EBF2: variants seen among roughly 807,000 people sequenced by gnomAD.
EBF2 encodes EBF transcription factor 2, also known as transcription factor COE2.
In EBF2, 21 loss-of-function variants were observed where a neutral mutation model predicts 72.8. The observed-to-expected ratio is 0.29, with a 90% CI of 0.20 to 0.42. The LOEUF (loss-of-function observed/expected upper bound fraction) is 0.42, where lower values mean the gene tolerates loss of function less well. Among genes scored for constraint, EBF2 ranks in the 10% least tolerant of loss-of-function variants. The pLI is 1.00. For missense variants in EBF2, 637 were observed against 731.2 expected (o/e 0.87, Z 1.49); for synonymous variants, 299 against 274.2 (o/e 1.09, Z -0.89).
chr8:26,035,872 T>C (rs537920985), intron 5 of EBF2, among the ~76,000 whole-genome samples: 2 of 152,216 alleles, frequency 1.3e-5, no homozygotes, highest in Admixed American at 6.5e-5. Context: ...TTGTCTCTCT[T>C]CCCAAATCCC....
chr8:25,950,665 T>A (rs935634521), intron 6 of EBF2, among the ~76,000 whole-genome samples: 17 of 152,354 alleles, frequency 1.1e-4, no homozygotes, highest in African/African-American at 4.1e-4. Flanking sequence ...TGGGTTAAAG[T>A]CTGTTAAACT....
chr8:25,934,477 C>T (rs532322487), intron 6 of EBF2, among the ~76,000 whole-genome samples: 1 of 152,270 alleles, frequency 6.6e-6, no homozygotes, highest in East Asian at 1.9e-4. Flanking sequence ...CAAATTTTGT[C>T]TCTCCACCAG....
chr8:25,905,221 C>T (rs1053918469), intron 7 of EBF2, among the ~76,000 whole-genome samples: 1 of 152,132 alleles, frequency 6.6e-6, no homozygotes, highest in Non-Finnish European at 1.5e-5. Flanking sequence ...GAATTGACAC[C>T]TTCACAGATT....
At chr8:25,925,431 C>T (rs1286493600) in intron 6 of EBF2, among the ~76,000 whole-genome samples, 1 of 151,930 alleles carries the variant, frequency 6.6e-6, no homozygotes, top group African/African-American at 2.4e-5. Context: ...TGCAGACATA[C>T]AGCAAGGTGT....
intron 6 of EBF2, among the ~76,000 whole-genome samples, chr8:25,912,603 G>A (rs573544152): frequency 2.0e-5 from 3 of 152,038 alleles, no homozygotes; most frequent in South Asian, 4.2e-4. Flanking sequence ...TAGACATATG[G>A]AAACATGGAA....
chr8:26,016,647 C>T (rs1805115698), intron 6 of EBF2, among the ~76,000 whole-genome samples: 1 of 152,132 alleles, frequency 6.6e-6, no homozygotes, highest in African/African-American at 2.4e-5. Context: ...AATAATAAAA[C>T]AGGATGGGAA....
chr8:25,917,198 G>GTT lies in EBF2; in HGVS notation c.552-8644_552-8643insAA, dbSNP rs1375771411. 5.8e-3 allele frequency among the ~76,000 whole-genome samples: 553 copies of GTT among 96,160 alleles called. 6 individuals are homozygous for GTT. Among genetic ancestry groups the GTT allele is most frequent in the East Asian group, 0.05 (128 of 2,536 alleles). The allele number at this position is 96,160 out of a possible 152,430, so 63.1% of individuals were successfully genotyped here. On this transcript the variant is annotated intron_variant, in intron 6 of 15. Coordinates refer to ENST00000520164, the MANE Select transcript of EBF2 (RefSeq NM_022659.4). ...AGGTTTTTGTGTGTTTGTGGTTTGG[G>GTT]GTTTTTTTTTTTTTTATCCCCCCTT...
intron 7 of EBF2, among the ~76,000 whole-genome samples, chr8:25,899,853 CA>C: frequency 7.1e-6 from 1 of 139,960 alleles, no homozygotes; most frequent in Non-Finnish European, 1.7e-5. Context: ...TCACATGATC[CA>C]ACCACCCTGT....
At position 25,971,989 on chromosome 8, in the gene EBF2, C is replaced by T. The variant is rs535733999; in HGVS notation, c.551+61096G>A. Reference sequence around the variant, plus strand: ...TCCCCTTTCGGTGGTAGTCCTGCTGCGGCAAATAAAGTTAAATCAAAAGGT... The same window carrying T: ...TCCCCTTTCGGTGGTAGTCCTGCTGTGGCAAATAAAGTTAAATCAAAAGGT... On this transcript the variant is annotated intron_variant, in intron 6 of 15. Coordinates refer to ENST00000520164, the MANE Select transcript of EBF2 (RefSeq NM_022659.4). Among the ~76,000 whole-genome samples, 26 of 152,024 alleles carry T rather than the reference C, an allele frequency of 1.7e-4. 1 individual carries two copies. The highest frequency in any genetic ancestry group is 1.0e-3 in the Admixed American group (16 of 15,256).
At chr8:25,956,020 T>C (rs1271882724) in intron 6 of EBF2, among the ~76,000 whole-genome samples, 4 of 152,184 alleles carry the variant, frequency 2.6e-5, no homozygotes, top group East Asian at 3.9e-4. Context: ...AAAAAAGGAA[T>C]TGGAGTATGA....
At chr8:25,910,504 C>A (rs904912116) in intron 6 of EBF2, among the ~76,000 whole-genome samples, 3 of 152,154 alleles carry the variant, frequency 2.0e-5, no homozygotes, top group African/African-American at 7.2e-5. Context: ...AGACTACCCC[C>A]ACTCCCCGCT....
intron 6 of EBF2, among the ~76,000 whole-genome samples, chr8:25,989,390 A>G (rs887493065): frequency 1.2e-4 from 18 of 152,218 alleles, no homozygotes; most frequent in African/African-American, 3.9e-4. Context: ...TGGATTATAA[A>G]GATCTGTGTC....
chr8:26,027,627 C>T (rs1172021963), intron 6 of EBF2, among the ~76,000 whole-genome samples: 1 of 1,146 alleles, frequency 8.7e-4, no homozygotes. Context: ...GGTATGTTCC[C>T]CAAAGAATTG....
chr8:26,032,426 T>C (rs1449474433), intron 6 of EBF2: 3 of 149,920 alleles, frequency 2.0e-5, no homozygotes, highest in Admixed American at 6.7e-5. Flanking sequence ...GGGATGGGAA[T>C]ATGGGGTTTC....
chr8:25,935,501 A>G (rs1299209926), intron 6 of EBF2, among the ~76,000 whole-genome samples: 1 of 152,220 alleles, frequency 6.6e-6, no homozygotes, highest in Non-Finnish European at 1.5e-5. Context: ...GAGAAACGGC[A>G]TCTGCTACAC....
chr8:25,946,012 G>A (rs1803763237), intron 6 of EBF2, among the ~76,000 whole-genome samples: 1 of 152,176 alleles, frequency 6.6e-6, no homozygotes, highest in African/African-American at 2.4e-5. Context: ...CTGCCTGTCG[G>A]AGCAACAGGA....
intron 6 of EBF2, among the ~76,000 whole-genome samples, chr8:25,959,060 T>A (rs1803993955): frequency 6.6e-6 from 1 of 152,148 alleles, no homozygotes; most frequent in Non-Finnish European, 1.5e-5. Flanking sequence ...GAGGGGAGGA[T>A]GAGCTGAGGC....
intron 10 of EBF2, among the ~76,000 whole-genome samples, chr8:25,867,881 AT>A (rs898897481): frequency 6.6e-6 from 1 of 152,112 alleles, no homozygotes; most frequent in Non-Finnish European, 1.5e-5. Context: ...ATATCATTGT[AT>A]TTTTTCTAGA....
intron 6 of EBF2, among the ~76,000 whole-genome samples, chr8:26,010,886 C>T (rs1311856035): frequency 6.6e-6 from 1 of 152,066 alleles, no homozygotes; most frequent in Non-Finnish European, 1.5e-5. Flanking sequence ...CAAATATGGG[C>T]ACCGATGTGT....
Sources: gnomAD v4.1 joint callset for allele counts (sites outside exome capture counted in the v4.1 genomes callset) on GRCh38, gnomAD v4.1.1 for gene constraint, MANE v1.5 for transcripts, NCBI Gene and HGNC (gene_info 2026-07-23, HGNC 2026-07-21) for gene names.